Variants in TEX13C observed in about 807,000 individuals in gnomAD.
TEX13C encodes TEX13 family member C.
For missense variants in TEX13C, 480 were observed against 298.7 expected (o/e 1.61, Z -4.47); for synonymous variants, 219 against 116.6 (o/e 1.88, Z -5.65).
rs183368644 is a variant in TEX13C at position 125,320,551 on chromosome X, G to A, written c.432G>A (p.Gly144=). The stretch of plus-strand genomic sequence containing the variant: ...TGAATGAGCGTGATGGGTTATGCGG[G>A]AGGCTGCTAGAAGTTGAGAGATCCA... The change falls in exon 1 of 1, where the codon GGG becomes GGA. Residue 144 remains glycine (G), a synonymous_variant. Transcript: ENST00000632600. 1.8e-4 allele frequency: 94 copies of A among 514,879 alleles called. No homozygotes were observed. The African/African-American group carries it at 1.9e-3, about 11-fold the overall frequency. 42.4% of individuals were successfully genotyped at this position (514,879 alleles called of 1,213,427 possible). A position where few individuals can be genotyped will look rare whatever the true frequency, so the allele number is the denominator to read the frequency against.
chrX:125,320,250 A>C, exon 1 of TEX13C: 1 of 515,922 alleles, frequency 1.9e-6, no homozygotes, highest in Non-Finnish European at 3.5e-6. Flanking sequence ...CGGCCGTGGA[A>C]CGAGGTAGAG....
Position 125,322,093 on chromosome X carries a change from G to A in TEX13C, c.1974G>A (p.Gln658=), listed in dbSNP as rs780232073. The change falls in exon 1 of 1, where the codon CAG becomes CAA. Residue 658 remains glutamine (Q), a synonymous_variant. Transcript: ENST00000632600. The stretch of plus-strand genomic sequence containing the variant: ...TGAAGAAAGATCCAGTGATGCCCCA[G>A]AACATGGTCCCCCTGGAGGACAGCA... 29 of 475,774 alleles carry A rather than the reference G, an allele frequency of 6.1e-5. No individual in the cohort carries two copies. The African/African-American group carries it at 8.3e-4, about 14-fold the overall frequency. The allele number at this position is 475,774 out of a possible 1,213,427, so 39.2% of individuals were successfully genotyped here.
exon 1 of TEX13C, chrX:125,322,651 C>G (rs2018859479): frequency 9.7e-6 from 5 of 514,382 alleles, no homozygotes; most frequent in Non-Finnish European, 1.7e-5. Flanking sequence ...TAGTGATGCC[C>G]AAGGAGATGG....
chrX:125,320,054 C>T (rs748660880), upstream of TEX13C: 132 of 453,131 alleles, frequency 2.9e-4, no homozygotes, highest in African/African-American at 2.2e-3. Context: ...CAACCTGTAC[C>T]GGAAGCGGCG....
At chrX:125,324,085 G>A in exon 1 of TEX13C, 1 of 111,948 alleles carries the variant, frequency 8.9e-6, no homozygotes, top group Non-Finnish European at 1.9e-5. Context: ...TTAGGGGGTT[G>A]TAGTGTTAAA....
exon 1 of TEX13C, chrX:125,323,234 T>TAGATAAA (rs1389655702): frequency 3.3e-5 from 14 of 424,345 alleles, no homozygotes; most frequent in Non-Finnish European, 5.7e-5. Context: ...TAGAGAAAAT[T>TAGATAAA]AGATAAAATA....
exon 1 of TEX13C, chrX:125,322,853 C>T (rs1421049918): frequency 1.9e-6 from 1 of 515,195 alleles, no homozygotes; most frequent in South Asian, 2.5e-5. Flanking sequence ...GGTAACCCCT[C>T]TGGAGGATAG....
At chrX:125,322,147 G>A (rs2018850659) in exon 1 of TEX13C, 1 of 495,572 alleles carries the variant, frequency 2.0e-6, no homozygotes, top group Admixed American at 2.8e-5. Context: ...AAGATCCAGT[G>A]GTGCCCCAGG....
exon 1 of TEX13C, chrX:125,322,790 T>C: frequency 1.9e-6 from 1 of 514,989 alleles, no homozygotes; most frequent in South Asian, 2.5e-5. Flanking sequence ...GGGCACAGCC[T>C]CACTGAGGTT....
Position 125,321,775 on chromosome X carries a change from G to A in TEX13C, c.1656G>A (p.Val552=), listed in dbSNP as rs1357209584. Reference sequence around the variant, plus strand: ...GCCACAGCCTGAAGAAAGATCCAGTGATGCCCCAGAACATGATCCCCCTGG... The same window carrying A: ...GCCACAGCCTGAAGAAAGATCCAGTAATGCCCCAGAACATGATCCCCCTGG... The change falls in exon 1 of 1, where the codon GTG becomes GTA. Residue 552 remains valine, a synonymous_variant. Transcript: ENST00000632600. The A allele has an allele frequency of 5.9e-6, 3 of 509,604 alleles. No homozygotes were observed. The African/African-American group carries it at 7.2e-5, about 12-fold the overall frequency. The allele number at this position is 509,604 out of a possible 1,213,427, so 42.0% of individuals were successfully genotyped here.
chrX:125,320,131 C>G, exon 1 of TEX13C: 1 of 483,444 alleles, frequency 2.1e-6, no homozygotes, highest in South Asian at 2.8e-5. Flanking sequence ...TGGCGATGAA[C>G]TTTGGGGACC....
rs1390531534 is a variant in TEX13C, at chrX:125,320,330, G to A, written c.211G>A (p.Ala71Thr). The A allele has an allele frequency of 2.5e-5, 13 of 515,267 alleles. No individual in the cohort carries two copies. The East Asian group carries it at 3.3e-4, about 13-fold the overall frequency. 42.5% of individuals were successfully genotyped at this position (515,267 alleles called of 1,213,427 possible). Residue 71 changes from alanine to threonine, a missense_variant, in exon 1 of 1, where the codon GCT becomes ACT. Transcript: ENST00000632600. ...CATTAAGAGGGCCTGTACCTGGAGC[G>A]CTTTGGCGCTGAGTGTGCAAGTGGC...
chrX:125,321,036 A>G, exon 1 of TEX13C: 2 of 515,377 alleles, frequency 3.9e-6, no homozygotes, highest in Non-Finnish European at 7.0e-6. Context: ...CAGGGAGTAT[A>G]TCACCCAGGA....
exon 1 of TEX13C, chrX:125,320,229 C>T (rs1288681392): frequency 1.9e-6 from 1 of 515,934 alleles, no homozygotes; most frequent in Non-Finnish European, 3.5e-6. Context: ...TTTTACACGG[C>T]CTTCCGCTCG....
At chrX:125,324,316 A>G (rs964888946) in exon 1 of TEX13C, 9 of 111,866 alleles carry the variant, frequency 8.0e-5, no homozygotes, top group African/African-American at 2.9e-4. Flanking sequence ...ACCTTGGATA[A>G]AACCAATTGA....
Position 125,322,424 on chromosome X carries a change from A to G in TEX13C, c.2305A>G (p.Ser769Gly), listed in dbSNP as rs1437311607. ...CCAGAACATGGTCCCCCTGGAGGACAGCAACAGCCATAGCCTGAAGAAAGA... is the reference window on the plus strand; with the variant it reads ...CCAGAACATGGTCCCCCTGGAGGACGGCAACAGCCATAGCCTGAAGAAAGA... Residue 769 changes from serine (S) to glycine (G), a missense_variant, in exon 1 of 1, where the codon AGC becomes GGC. Physicochemically the swap from Ser to Gly is moderately conservative, Grantham distance 56 (BLOSUM62 0). Coordinates refer to ENST00000632600, the Ensembl canonical transcript of TEX13C. The G allele has an allele frequency of 8.0e-6, 4 of 499,348 alleles. No individual in the cohort carries two copies. The African/African-American group carries it at 1.0e-4, about 13-fold the overall frequency. The allele number at this position is 499,348 out of a possible 1,213,427, so 41.2% of individuals were successfully genotyped here.
exon 1 of TEX13C, chrX:125,322,282 G>C: frequency 2.0e-6 from 1 of 493,425 alleles, no homozygotes; most frequent in East Asian, 3.7e-5. Context: ...TGGTGCCCCA[G>C]GGCACAGCTC....
At chrX:125,321,906 A>C (rs3135235) in exon 1 of TEX13C, 10 of 478,923 alleles carry the variant, frequency 2.1e-5, no homozygotes, top group African/African-American at 1.2e-4. Context: ...CCAATGATGC[A>C]CCAGGAGATG....
exon 1 of TEX13C, chrX:125,323,523 T>G (rs73634599): frequency 0.018 from 2,066 of 113,004 alleles, 48 homozygotes; most frequent in African/African-American, 0.064. Flanking sequence ...TTTCTGTTTT[T>G]TTTTTTTCTC....
Sources: allele counts gnomAD v4.1 joint callset, GRCh38; gene constraint gnomAD v4.1.1; transcripts MANE v1.5; gene names NCBI Gene and HGNC (gene_info 2026-07-23, HGNC 2026-07-21).